Variants in CFAP299 observed in about 807,000 individuals in gnomAD.
CFAP299 encodes cilia and flagella associated protein 299.
Under a neutral mutation model 27.0 loss-of-function variants are expected in CFAP299, and 21 were observed. The ratio of observed to expected loss-of-function variants is 0.78; its 90% confidence interval spans 0.55 to 1.12. The LOEUF (loss-of-function observed/expected upper bound fraction) is 1.12. CFAP299 is among the 50% of genes most tolerant of loss of function. CFAP299 has a pLI of 0.00. For synonymous variants in CFAP299, 104 were observed against 98.1 expected, an observed-to-expected ratio of 1.06 and a Z score of -0.36; for missense variants, 310 against 276.6, an observed-to-expected ratio of 1.12 and a Z score of -0.86.
At chr4:80,892,759 C>G (rs780760156) in intron 4 of CFAP299, among the ~76,000 whole-genome samples, 1 of 151,972 alleles carries the variant, frequency 6.6e-6, no homozygotes, top group African/African-American at 2.4e-5. Flanking sequence ...ATATGACAAG[C>G]TCATAGCTAA....
chr4:80,355,018 T>C (rs1018153214), intron 1 of CFAP299, among the ~76,000 whole-genome samples: 2 of 152,192 alleles, frequency 1.3e-5, no homozygotes, highest in African/African-American at 4.8e-5. Context: ...GAATGATTTA[T>C]ATTCTTTTGG....
At chr4:80,489,136 T>A (rs1038451103) in intron 2 of CFAP299, among the ~76,000 whole-genome samples, 6 of 152,300 alleles carry the variant, frequency 3.9e-5, no homozygotes, top group Admixed American at 6.5e-5. Flanking sequence ...CTTTTTTATG[T>A]TCTTCCTGGA....
chr4:80,361,266 C>T (rs1723532699), intron 1 of CFAP299, among the ~76,000 whole-genome samples: 1 of 152,142 alleles, frequency 6.6e-6, no homozygotes, highest in Non-Finnish European at 1.5e-5. Flanking sequence ...ATACAAAATT[C>T]ACTCAGTATT....
intron 3 of CFAP299, among the ~76,000 whole-genome samples, chr4:80,671,027 C>T (rs1741448074): frequency 6.6e-6 from 1 of 152,176 alleles, no homozygotes; most frequent in Non-Finnish European, 1.5e-5. Context: ...GCTTTTGTTG[C>T]CATTGCTTTT....
chr4:80,492,839 T>C (rs1256856214), intron 2 of CFAP299, among the ~76,000 whole-genome samples: 2 of 152,120 alleles, frequency 1.3e-5, no homozygotes, highest in African/African-American at 4.8e-5. Flanking sequence ...ATTGGCTAGT[T>C]TGAATAATTT....
chr4:80,841,871 TA>T (rs1383567099), intron 3 of CFAP299, among the ~76,000 whole-genome samples: 9 of 152,084 alleles, frequency 5.9e-5, no homozygotes, highest in African/African-American at 1.9e-4. Context: ...AGCCCTTTTC[TA>T]AATTTTTGTT....
chr4:80,616,950 T>C (rs1432123083), intron 3 of CFAP299, among the ~76,000 whole-genome samples: 3 of 152,130 alleles, frequency 2.0e-5, no homozygotes, highest in Non-Finnish European at 2.9e-5. Flanking sequence ...AATGGAAGAA[T>C]ACCTCAACAT....
At chr4:80,695,919 G>A (rs1055646561) in intron 3 of CFAP299, among the ~76,000 whole-genome samples, 1 of 151,990 alleles carries the variant, frequency 6.6e-6, no homozygotes, top group Non-Finnish European at 1.5e-5. Context: ...CAAAGTGCTA[G>A]GATTACAAGC....
intron 3 of CFAP299, among the ~76,000 whole-genome samples, chr4:80,666,639 A>G (rs556909611): frequency 6.6e-6 from 1 of 152,344 alleles, no homozygotes; most frequent in African/African-American, 2.4e-5. Context: ...AGATTGACTC[A>G]TTCAACATCA....
chr4:80,617,339 A>T (rs938316120), intron 3 of CFAP299, among the ~76,000 whole-genome samples: 1 of 152,118 alleles, frequency 6.6e-6, no homozygotes, highest in Admixed American at 6.6e-5. Context: ...ATTAATTGAA[A>T]AAGAGCCTGG....
At chr4:80,951,987 T>C (rs552104378) in intron 5 of CFAP299, among the ~76,000 whole-genome samples, 1 of 152,292 alleles carries the variant, frequency 6.6e-6, no homozygotes, top group East Asian at 1.9e-4. Flanking sequence ...TGGATCATTA[T>C]GGGGGCCAGA....
chr4:80,402,820 G>A (rs1726229915), intron 2 of CFAP299, among the ~76,000 whole-genome samples: 1 of 152,072 alleles, frequency 6.6e-6, no homozygotes, highest in Non-Finnish European at 1.5e-5. Flanking sequence ...ATTATTCCAT[G>A]TATTCTCAAT....
chr4:80,960,917 A>G (rs1474756455), intron 5 of CFAP299, among the ~76,000 whole-genome samples: 2 of 151,836 alleles, frequency 1.3e-5, no homozygotes, highest in African/African-American at 4.8e-5. Flanking sequence ...GATATAAGCA[A>G]AAGTATATAA....
chr4:80,584,283 G>A (rs901643833), intron 3 of CFAP299, among the ~76,000 whole-genome samples: 2 of 151,968 alleles, frequency 1.3e-5, no homozygotes, highest in Admixed American at 6.6e-5. Context: ...ATATTTAAAC[G>A]AGGCTAAGAC....
intron 1 of CFAP299, among the ~76,000 whole-genome samples, chr4:80,356,255 A>G (rs1358299387): frequency 1.3e-5 from 2 of 152,140 alleles, no homozygotes; most frequent in Non-Finnish European, 2.9e-5. Flanking sequence ...TATAGTTTGA[A>G]GTCAGGTACC....
chr4:80,523,669 T>A (rs1733029057), intron 2 of CFAP299, among the ~76,000 whole-genome samples: 1 of 152,174 alleles, frequency 6.6e-6, no homozygotes, highest in African/African-American at 2.4e-5. Flanking sequence ...AACACCCATC[T>A]TATCCTGCCT....
the CFAP299 span, among the ~76,000 whole-genome samples, chr4:80,329,558 T>G: frequency 6.6e-6 from 1 of 152,152 alleles, no homozygotes; most frequent in African/African-American, 2.4e-5. Flanking sequence ...AAAACATTTT[T>G]ATTGTGATTA....
At chr4:80,738,734 A>G (rs1321746783) in intron 3 of CFAP299, among the ~76,000 whole-genome samples, 4 of 151,510 alleles carry the variant, frequency 2.6e-5, no homozygotes, top group Non-Finnish European at 5.9e-5. Context: ...CGTAAATTCA[A>G]TGTTATTTTT....
chr4:80,480,039 G>A (rs926341908), intron 2 of CFAP299, among the ~76,000 whole-genome samples: 3 of 151,752 alleles, frequency 2.0e-5, no homozygotes, highest in African/African-American at 7.3e-5. Flanking sequence ...TGTGGGCCTG[G>A]GCAATACCTA....
Sources: allele counts gnomAD v4.1 joint callset (sites outside exome capture counted in the v4.1 genomes callset), GRCh38; gene constraint gnomAD v4.1.1; transcripts MANE v1.5; gene names NCBI Gene and HGNC (gene_info 2026-07-23, HGNC 2026-07-21).